Variants in SEMA6D observed in about 807,000 individuals in gnomAD.
SEMA6D encodes semaphorin-6D.
A neutral mutation model predicts 106.6 loss-of-function variants in SEMA6D; 35 were observed. The observed-to-expected ratio is 0.33, with a 90% CI of 0.25 to 0.44. The LOEUF is 0.44. Among genes scored for constraint, SEMA6D ranks in the 20% least tolerant of loss-of-function variants. The pLI is 1.00. For missense variants in SEMA6D, 1,185 were observed against 1,345.9 expected (o/e 0.88, Z 1.87); for synonymous variants, 499 against 487.7 (o/e 1.02, Z -0.31).
chr15:47,602,948 C>G (rs1214661605), intron 4 of SEMA6D, among the ~76,000 whole-genome samples: 1 of 152,094 alleles, frequency 6.6e-6, no homozygotes, highest in Admixed American at 6.6e-5. Context: ...AAGATTTCAC[C>G]TCTGTCTCTA....
At chr15:47,194,876 T>A (rs1894227051) in intron 1 of SEMA6D, among the ~76,000 whole-genome samples, 1 of 152,206 alleles carries the variant, frequency 6.6e-6, no homozygotes, top group South Asian at 2.1e-4. Flanking sequence ...TGGAAAGTTT[T>A]GTGTTGAATG....
Position 47,376,772 on chromosome 15 carries a change from G to A in SEMA6D, c.-238-35621G>A, listed in dbSNP as rs370744504. On this transcript the variant is annotated intron_variant, in intron 1 of 19. Transcript: ENST00000558014. ...TTTGCCTTCTTGTGGGGTAAAATAT[G>A]TTAAGTACCCCCAATCTCCTCAAAC... 2.6e-5 allele frequency among the ~76,000 whole-genome samples: 4 copies of A among 152,276 alleles called. No homozygotes were observed. In the East Asian group the frequency reaches 7.7e-4, roughly 29 times the overall value.
chr15:47,497,899 G>A (rs2043722299), intron 3 of SEMA6D, among the ~76,000 whole-genome samples: 2 of 152,032 alleles, frequency 1.3e-5, no homozygotes, highest in Non-Finnish European at 2.9e-5. Flanking sequence ...TTCTACTTCT[G>A]CAGAGTTACC....
intron 3 of SEMA6D, among the ~76,000 whole-genome samples, chr15:47,586,475 A>G (rs1299439241): frequency 6.6e-6 from 1 of 152,172 alleles, no homozygotes; most frequent in Non-Finnish European, 1.5e-5. Context: ...TATTTTTACA[A>G]AGCTATAACT....
chr15:47,199,804 G>T (rs1378807522), intron 1 of SEMA6D, among the ~76,000 whole-genome samples: 1 of 152,136 alleles, frequency 6.6e-6, no homozygotes, highest in South Asian at 2.1e-4. Flanking sequence ...ATGTGTGTGT[G>T]TGTGAACTGA....
intron 4 of SEMA6D, among the ~76,000 whole-genome samples, chr15:47,611,251 G>A (rs1350804060): frequency 6.6e-6 from 1 of 152,004 alleles, no homozygotes; most frequent in Non-Finnish European, 1.5e-5. Context: ...CTGTGCTACA[G>A]ATACCAGTCT....
chr15:47,456,487 A>G (rs891227832), intron 2 of SEMA6D, among the ~76,000 whole-genome samples: 1 of 151,998 alleles, frequency 6.6e-6, no homozygotes, highest in African/African-American at 2.4e-5. Flanking sequence ...CACTGCTTCA[A>G]ATTATTAGAG....
intron 1 of SEMA6D, among the ~76,000 whole-genome samples, chr15:47,740,161 C>T (rs764894613): frequency 3.3e-5 from 5 of 152,060 alleles, no homozygotes; most frequent in Non-Finnish European, 7.4e-5. Flanking sequence ...TCATGCATTG[C>T]GACTCATTTT....
intron 1 of SEMA6D, among the ~76,000 whole-genome samples, chr15:47,721,977 AT>A (rs1342075094): frequency 6.6e-6 from 1 of 152,012 alleles, no homozygotes; most frequent in Non-Finnish European, 1.5e-5. Context: ...GGCTACAGCA[AT>A]TTTTTCTTCT....
chr15:47,573,690 C>A (rs893561296), intron 3 of SEMA6D, among the ~76,000 whole-genome samples: 1 of 152,156 alleles, frequency 6.6e-6, no homozygotes, highest in African/African-American at 2.4e-5. Flanking sequence ...TAAAACATGT[C>A]CCATGCTGAA....
upstream of SEMA6D, among the ~76,000 whole-genome samples, chr15:47,714,602 T>C (rs1288714278): frequency 2.0e-5 from 3 of 152,238 alleles, no homozygotes; most frequent in Non-Finnish European, 4.4e-5. Context: ...GTAGATAATG[T>C]TTAAGCATAA....
At chr15:47,522,091 C>A (rs1473605278) in intron 3 of SEMA6D, among the ~76,000 whole-genome samples, 1 of 152,144 alleles carries the variant, frequency 6.6e-6, no homozygotes, top group African/African-American at 2.4e-5. Context: ...CAGCTCCAAA[C>A]CACAGGTAAA....
At chr15:47,698,872 A>G (rs2078753115) in intron 4 of SEMA6D, among the ~76,000 whole-genome samples, 1 of 152,106 alleles carries the variant, frequency 6.6e-6, no homozygotes, top group Non-Finnish European at 1.5e-5. Flanking sequence ...GACAAACTAG[A>G]TCCCTAGACA....
chr15:47,380,249 A>G (rs1487204250), intron 1 of SEMA6D, among the ~76,000 whole-genome samples: 1 of 152,248 alleles, frequency 6.6e-6, no homozygotes, highest in African/African-American at 2.4e-5. Flanking sequence ...AATTTTCAAC[A>G]TAATGCCAGA....
chr15:47,530,150 C>T (rs534637466), intron 3 of SEMA6D, among the ~76,000 whole-genome samples: 2 of 152,252 alleles, frequency 1.3e-5, no homozygotes, highest in East Asian at 1.9e-4. Flanking sequence ...TCTCAGGCCC[C>T]GACTCACATG....
At chr15:47,409,006 A>G (rs1195031156) in intron 1 of SEMA6D, among the ~76,000 whole-genome samples, 3 of 152,214 alleles carry the variant, frequency 2.0e-5, no homozygotes, top group African/African-American at 7.2e-5. Context: ...TTGGATAAAT[A>G]GATTAGTATC....
intron 2 of SEMA6D, among the ~76,000 whole-genome samples, chr15:47,418,699 A>G (rs1408079174): frequency 2.0e-5 from 3 of 152,086 alleles, no homozygotes; most frequent in Non-Finnish European, 4.4e-5. Flanking sequence ...CAGGGTGGGT[A>G]GGGAAGGCAT....
intron 3 of SEMA6D, among the ~76,000 whole-genome samples, chr15:47,566,080 A>G (rs930094212): frequency 2.6e-5 from 4 of 152,230 alleles, no homozygotes; most frequent in African/African-American, 4.8e-5. Flanking sequence ...TGGTCACATA[A>G]TCTCACAGAG....
chr15:47,708,841 T>G (rs1250324269), intron 4 of SEMA6D, among the ~76,000 whole-genome samples: 1 of 152,258 alleles, frequency 6.6e-6, no homozygotes, highest in African/African-American at 2.4e-5. Context: ...AAGGTCTGGC[T>G]CTGCTATGTA....
Sources: allele counts gnomAD v4.1 joint callset (sites outside exome capture counted in the v4.1 genomes callset), GRCh38; gene constraint gnomAD v4.1.1; transcripts MANE v1.5; gene names NCBI Gene and HGNC (gene_info 2026-07-23, HGNC 2026-07-21).